Variants in FMN2 observed in about 807,000 individuals in gnomAD.
FMN2 encodes formin-2.
Under a neutral mutation model 142.3 loss-of-function variants are expected in FMN2, and 51 were observed. That is an observed-to-expected ratio of 0.36 (90% CI 0.29 to 0.45). The LOEUF is 0.45. FMN2 is among the 20% of genes least tolerant of loss of function. FMN2 has a pLI of 1.00. For synonymous variants in FMN2, 882 were observed against 869.8 expected (o/e 1.01, Z -0.25); for missense variants, 1,936 against 2,122.8 (o/e 0.91, Z 1.73).
intron 2 of FMN2, among the ~76,000 whole-genome samples, chr1:240,165,045 G>A (rs1288387636): frequency 5.3e-5 from 8 of 152,104 alleles, no homozygotes; most frequent in Non-Finnish European, 1.2e-4. Context: ...TTCTTTGAAT[G>A]CACTAATTTT....
chr1:240,115,382 A>G (rs1353414707), intron 1 of FMN2, among the ~76,000 whole-genome samples: 14 of 152,192 alleles, frequency 9.2e-5, no homozygotes, highest in Admixed American at 9.2e-4. Context: ...AGTCATCATA[A>G]TACTCCCATG....
intron 7 of FMN2, among the ~76,000 whole-genome samples, chr1:240,291,266 TCTCCTTGAA>T (rs1416502820): frequency 6.6e-6 from 1 of 152,064 alleles, no homozygotes. Context: ...TCAACACCTT[TCTCCTTGAA>T]CCCACTCACA....
intron 13 of FMN2, among the ~76,000 whole-genome samples, chr1:240,339,653 A>G (rs573969500): frequency 3.7e-4 from 56 of 152,272 alleles, no homozygotes; most frequent in African/African-American, 1.3e-3. Context: ...AATGTAGAGA[A>G]GAAAACATTT....
chr1:240,199,499 T>C (rs1666049986), intron 4 of FMN2, among the ~76,000 whole-genome samples: 1 of 152,220 alleles, frequency 6.6e-6, no homozygotes, highest in Non-Finnish European at 1.5e-5. Context: ...TTTCTGGGAA[T>C]CAGATAATCT....
intron 8 of FMN2, among the ~76,000 whole-genome samples, chr1:240,324,279 A>C (rs1671076414): frequency 6.6e-6 from 1 of 152,306 alleles, no homozygotes; most frequent in South Asian, 2.1e-4. Flanking sequence ...TTTCCAGAGC[A>C]CTGTCGGATT....
chr1:240,319,397 G>A (rs1670894172), intron 8 of FMN2, among the ~76,000 whole-genome samples: 1 of 152,156 alleles, frequency 6.6e-6, no homozygotes, highest in African/African-American at 2.4e-5. Flanking sequence ...GGTTCCTTGG[G>A]GGATATCTTT....
At chr1:240,237,617 GAC>G (rs577457851) in intron 6 of FMN2, among the ~76,000 whole-genome samples, 274 of 152,258 alleles carry the variant, frequency 1.8e-3, no homozygotes, top group African/African-American at 6.4e-3. Context: ...ATGGTGTGGT[GAC>G]AGAAGGGAAT....
chr1:240,286,883 G>A (rs1381305272), intron 7 of FMN2, among the ~76,000 whole-genome samples: 1 of 152,138 alleles, frequency 6.6e-6, no homozygotes, highest in African/African-American at 2.4e-5. Context: ...TCTTTCTGCT[G>A]TTTGCACAAG....
intron 7 of FMN2, among the ~76,000 whole-genome samples, chr1:240,276,671 C>T (rs7541901): frequency 0.022 from 3,373 of 152,100 alleles, 104 homozygotes; most frequent in African/African-American, 0.074. Flanking sequence ...CATTTGCCAC[C>T]ATGACCCTCA....
At chr1:240,291,982 T>C (rs1456173667) in intron 7 of FMN2, among the ~76,000 whole-genome samples, 1 of 139,310 alleles carries the variant, frequency 7.2e-6, no homozygotes, top group Non-Finnish European at 1.6e-5. Context: ...ATATTTTCCA[T>C]TATTTCCTTG....
intron 7 of FMN2, among the ~76,000 whole-genome samples, chr1:240,277,786 T>G (rs1387066871): frequency 6.6e-6 from 1 of 152,024 alleles, no homozygotes; most frequent in East Asian, 1.9e-4. Flanking sequence ...CCGCCCGTCT[T>G]GGCCTCCCAA....
In FMN2 at chr1:240,092,969, C is replaced by T; in HGVS notation, c.860C>T (p.Pro287Leu). 1 of 1,409,212 alleles carries T rather than the reference C, an allele frequency of 7.1e-7. No homozygotes were observed. Among genetic ancestry groups the T allele is most frequent in the Non-Finnish European group, 9.2e-7 (1 of 1,090,040 alleles). The allele number at this position is 1,409,212 out of a possible 1,614,324, so 87.3% of individuals were successfully genotyped here. A position where few individuals can be genotyped will look rare whatever the true frequency, so the allele number is the denominator to read the frequency against. The change falls in exon 1 of 18, where the codon CCC becomes CTC. Residue 287 changes from proline to leucine, a missense_variant. By Grantham distance (98) the Pro-to-Leu change is moderately conservative. Around this residue, in one of 8 missense-constraint regions of FMN2, gnomAD observed 751 missense variants for 791.8 expected, o/e 0.95. Transcript: ENST00000319653. ...CTGCCCGAGAGCCTGGCCGCCGAGCCCCGGGAGCCCCAGCAACCGCCGTCC... is the reference window on the plus strand; with the variant it reads ...CTGCCCGAGAGCCTGGCCGCCGAGCTCCGGGAGCCCCAGCAACCGCCGTCC... ...SDLPESLAAE[P>L]REPQQPPSPG...
At chr1:240,159,968 T>TAC (rs1420883044) in intron 2 of FMN2, among the ~76,000 whole-genome samples, 12 of 111,140 alleles carry the variant, frequency 1.1e-4, no homozygotes, top group African/African-American at 5.1e-4. Context: ...TGTGTATATA[T>TAC]ATATATACAC....
chr1:240,330,465 C>G, intron 10 of FMN2, 138 bp from the exon 11 acceptor site: 1 of 811,626 alleles, frequency 1.2e-6, no homozygotes, highest in Non-Finnish European at 1.9e-6. Context: ...TTAAAATATA[C>G]CTAATAATTA....
chr1:240,397,413 C>T (rs1256628955), intron 15 of FMN2, among the ~76,000 whole-genome samples: 3 of 152,086 alleles, frequency 2.0e-5, no homozygotes, highest in African/African-American at 7.2e-5. Flanking sequence ...AGGTCTTCAA[C>T]TGATTGGAGG....
chr1:240,102,095 T>C (rs1661436229), intron 1 of FMN2, among the ~76,000 whole-genome samples: 1 of 152,212 alleles, frequency 6.6e-6, no homozygotes, highest in African/African-American at 2.4e-5. Flanking sequence ...TTTTCAGTTT[T>C]TCCTACTATT....
intron 4 of FMN2, among the ~76,000 whole-genome samples, chr1:240,204,523 C>T (rs990149280): frequency 2.0e-5 from 3 of 152,044 alleles, no homozygotes; most frequent in African/African-American, 4.8e-5. Context: ...GGCCGAGGTG[C>T]GTGGATCACC....
chr1:240,110,108 A>G (rs1661755468), intron 1 of FMN2, among the ~76,000 whole-genome samples: 1 of 152,200 alleles, frequency 6.6e-6, no homozygotes, highest in African/African-American at 2.4e-5. Flanking sequence ...TAGCCCCTGC[A>G]GGGCACAGAC....
chr1:240,312,132 TCTC>T (rs770675400), intron 8 of FMN2, among the ~76,000 whole-genome samples: 2 of 152,154 alleles, frequency 1.3e-5, no homozygotes, highest in African/African-American at 2.4e-5. Context: ...TCTGAGCACT[TCTC>T]CTTCACATTT....
Sources: gnomAD v4.1 joint callset for allele counts (sites outside exome capture counted in the v4.1 genomes callset) on GRCh38, gnomAD v4.1.1 for gene constraint, gnomAD v4.1.1 regional missense constraint, MANE v1.5 for transcripts, NCBI Gene and HGNC (gene_info 2026-07-23, HGNC 2026-07-21) for gene names.